The following RAD17 variants were observed in gnomAD, a reference collection of about 807,000 sequenced individuals.
The protein encoded by RAD17 is cell cycle checkpoint protein RAD17.
RAD17 carries 31 observed loss-of-function variants against 81.5 expected under a neutral mutation model. The ratio of observed to expected loss-of-function variants is 0.38; its 90% CI spans 0.29 to 0.51. RAD17 has a LOEUF of 0.51. RAD17 is among the 20% of genes least tolerant of loss of function. RAD17 has a pLI of 0.88. For missense variants in RAD17, 681 were observed against 781.2 expected (o/e 0.87, Z 1.53); for synonymous variants, 261 against 266.2 (o/e 0.98, Z 0.19).
intron 7 of RAD17, among the ~76,000 whole-genome samples, chr5:69,382,362 T>C (rs1763908711): frequency 6.6e-6 from 1 of 152,204 alleles, no homozygotes; most frequent in Admixed American, 6.5e-5. Flanking sequence ...TGAGGATCAC[T>C]TGAGCCCATG....
chr5:69,387,415 G>T (rs1471407249), intron 11 of RAD17, among the ~76,000 whole-genome samples: 2 of 152,120 alleles, frequency 1.3e-5, no homozygotes, highest in Admixed American at 1.3e-4. Context: ...ATATCCAAGG[G>T]AGAGGTTGTT....
intron 17 of RAD17, among the ~76,000 whole-genome samples, chr5:69,402,604 G>A (rs1321937340): frequency 1.3e-5 from 2 of 149,886 alleles, no homozygotes. Context: ...GCAGTGAGCT[G>A]AGATCACGCC....
intron 6 of RAD17, among the ~76,000 whole-genome samples, chr5:69,379,219 G>A (rs1763695881): frequency 6.6e-6 from 1 of 151,920 alleles, no homozygotes; most frequent in South Asian, 2.1e-4. Flanking sequence ...CTGGGCAACA[G>A]AACAGAGACT....
intron 4 of RAD17, among the ~76,000 whole-genome samples, chr5:69,372,643 A>C (rs931827004): frequency 6.6e-5 from 10 of 151,728 alleles, no homozygotes; most frequent in Admixed American, 3.9e-4. Context: ...ACAGGGTCTC[A>C]CTCTGTTGCC....
chr5:69,384,829 CAGAT>C lies in RAD17; in HGVS notation c.544_547del (p.Ile182GlnfsTer8), dbSNP rs1197064499. The C allele has an allele frequency of 6.2e-7, 1 of 1,611,388 alleles. No homozygotes were observed. Among genetic ancestry groups the C allele is most frequent in the Non-Finnish European group, 8.5e-7 (1 of 1,178,442 alleles). On this transcript the variant is annotated frameshift_variant, in exon 8 of 19. Coordinates refer to ENST00000354868, the MANE Select transcript of RAD17 (RefSeq NM_133338.3). LOFTEE classifies it high-confidence loss of function. ...CTTCCATATGTTTCCCTATCAGTCT[CAGAT>C]AGCAGTTTTCAAAGAGTTTCTACTA...
In RAD17 at chr5:69,377,600, T is replaced by TATATATGTATACATATATATATATGC. The variant is rs1554038760; in HGVS notation, c.351+2895_351+2896insGTATACATATATATATATGCATATAT. Among the ~76,000 whole-genome samples the TATATATGTATACATATATATATATGC allele has an allele frequency of 3.8e-3, 27 of 7,100 alleles. 3 individuals are homozygous for TATATATGTATACATATATATATATGC. Among genetic ancestry groups the TATATATGTATACATATATATATATGC allele is most frequent in the Non-Finnish European group, 0.014 (20 of 1,448 alleles). 4.7% of individuals were successfully genotyped at this position (7,100 alleles called of 152,430 possible). Reference sequence around the variant, plus strand: ...ATATATGTATACATATATATATGCATATATATATGTATACATATATATGCA... The same window carrying TATATATGTATACATATATATATATGC: ...ATATATGTATACATATATATATGCATATATATGTATACATATATATATATGCATATATATGTATACATATATATGCA... On this transcript the variant is annotated intron_variant, in intron 6 of 18. Coordinates refer to ENST00000354868, the MANE Select transcript of RAD17 (RefSeq NM_133338.3).
chr5:69,393,350 A>G lies in RAD17; in HGVS notation c.1276-4A>G, dbSNP rs201345390. 1.9e-6 allele frequency: 3 copies of G among 1,587,128 alleles called. No individual in the cohort carries two copies. The highest frequency in any genetic ancestry group is 1.4e-5 in the African/African-American group (1 of 73,488). On this transcript the variant is annotated splice_region_variant and splice_polypyrimidine_tract_variant and intron_variant, in intron 14 of 18. Coordinates refer to ENST00000354868, the MANE Select transcript of RAD17 (RefSeq NM_133338.3). ...AATTTATGTATATATGCTTCTTTTT[A>G]TAGGAGGTAGTAGAAATGTCACACA...
At position 69,387,220 on chromosome 5, in the gene RAD17, G is replaced by A. The variant is rs149378342; in HGVS notation, c.894+755G>A. ...ATTTCAGGCATGAGCCTCTGTGCCC[G>A]GCTTCTTTTCACTTTTAGTACGTCA... On this transcript the variant is annotated intron_variant, in intron 11 of 18. Coordinates refer to ENST00000354868, the MANE Select transcript of RAD17 (RefSeq NM_133338.3). Among the ~76,000 whole-genome samples, 1,005 of 152,026 alleles carry A rather than the reference G, an allele frequency of 6.6e-3. 14 individuals carry two copies. The highest frequency in any genetic ancestry group is 0.023 in the African/African-American group (960 of 41,480).
At chr5:69,374,791 T>A in intron 6 of RAD17, 80 bp downstream of exon 6, 1 of 1,221,870 alleles carries the variant, frequency 8.2e-7, no homozygotes, top group Non-Finnish European at 1.2e-6. Context: ...GTTAAAGTTT[T>A]ATGATGATTT....
chr5:69,388,985 GTTATTT>G, intron 11 of RAD17, 43 bp from the exon 12 acceptor site: 1 of 997,180 alleles, frequency 1.0e-6, no homozygotes. Context: ...TTTTGTTGTT[GTTATTT>G]TTAAGAAAAT....
chr5:69,400,357 A>G (rs564484060), intron 17 of RAD17, among the ~76,000 whole-genome samples, 188 bp downstream of exon 17: 4 of 151,992 alleles, frequency 2.6e-5, no homozygotes, highest in East Asian at 1.9e-4. Context: ...AGCTGGGACC[A>G]CAGGCACGCG....
intron 7 of RAD17, 69 bp from the exon 8 acceptor site, chr5:69,384,728 A>C: frequency 7.2e-7 from 1 of 1,396,420 alleles, no homozygotes; most frequent in East Asian, 2.3e-5. Flanking sequence ...GTGTGTGTGT[A>C]CATACAGATG....
chr5:69,383,540 G>A (rs528270976), intron 7 of RAD17, among the ~76,000 whole-genome samples: 2 of 151,878 alleles, frequency 1.3e-5, no homozygotes, highest in African/African-American at 4.8e-5. Flanking sequence ...CACCATGCCC[G>A]GCTTATTTTT....
chr5:69,392,040 C>A (rs1764587355), intron 13 of RAD17, 27 bp downstream of exon 13: 2 of 1,442,246 alleles, frequency 1.4e-6, no homozygotes, highest in Non-Finnish European at 9.3e-7. Flanking sequence ...CTTTTAAAAT[C>A]TGTTGGATAT....
In RAD17 at chr5:69,397,990, G is replaced by A. The variant is rs1020641776; in HGVS notation, c.1572+1444G>A. Among the ~76,000 whole-genome samples the A allele has an allele frequency of 2.6e-5, 4 of 152,102 alleles. No homozygotes were observed. The East Asian group carries it at 7.7e-4, about 29-fold the overall frequency. On this transcript the variant is annotated intron_variant, in intron 16 of 18. Coordinates refer to ENST00000354868, the MANE Select transcript of RAD17 (RefSeq NM_133338.3). ...AACTTAGCCGGGTGTGGCGGCGTGC[G>A]CCTGTAGTCCCAACTACTCTGGAGG...
rs984134014 is a variant in RAD17 at position 69,371,455 on chromosome 5, T to C, written c.-278T>C. 3.9e-5 allele frequency: 12 copies of C among 308,048 alleles called. No individual in the cohort carries two copies. Among genetic ancestry groups the C allele is most frequent in the East Asian group, 7.7e-5 (1 of 13,036 alleles). 19.1% of individuals were successfully genotyped at this position (308,048 alleles called of 1,614,324 possible). On this transcript the variant is annotated splice_region_variant and 5_prime_UTR_variant, in exon 3 of 19. Transcript: ENST00000354868. Reference sequence around the variant, plus strand: ...GCTTCTTCCCCCCCCCCCCCCCAGGTGAATTATAGTTTAATGTACTGCAAG... The same window carrying C: ...GCTTCTTCCCCCCCCCCCCCCCAGGCGAATTATAGTTTAATGTACTGCAAG...
intron 12 of RAD17, among the ~76,000 whole-genome samples, chr5:69,389,985 C>T (rs1267393650): frequency 6.6e-6 from 1 of 152,088 alleles, no homozygotes; most frequent in Non-Finnish European, 1.5e-5. Flanking sequence ...AAATTTATTT[C>T]CTGTTAATGT....
In RAD17 at chr5:69,372,103, G is replaced by A. The variant is rs1763042658; in HGVS notation, c.-106G>A. ...TATAAATAATTTGCAAATCAGAATT[G>A]CTGTCGAAAGTTTTACTATAATGAA... On this transcript the variant is annotated 5_prime_UTR_variant, in exon 4 of 19. Coordinates refer to ENST00000354868, the MANE Select transcript of RAD17 (RefSeq NM_133338.3). 6.9e-7 allele frequency: 1 copy of A among 1,452,244 alleles called. No individual in the cohort carries two copies. Among genetic ancestry groups the A allele is most frequent in the Non-Finnish European group, 9.3e-7 (1 of 1,076,344 alleles). 90.0% of individuals were successfully genotyped at this position (1,452,244 alleles called of 1,614,324 possible). A position where few individuals can be genotyped will look rare whatever the true frequency, so the allele number is the denominator to read the frequency against.
chr5:69,406,033 C>A lies in RAD17; in HGVS notation c.1694-4460C>A, dbSNP rs1006228510. On this transcript the variant is annotated intron_variant, in intron 17 of 18. Transcript: ENST00000354868. ...CTCCAGCCTAGGTGACAGAGCCAGA[C>A]TCCATCTCAAAAAAAAAAAAAAAAG... Among the ~76,000 whole-genome samples, 7 of 102,468 alleles carry A rather than the reference C, an allele frequency of 6.8e-5. No homozygotes were observed. In the Admixed American group the frequency reaches 8.2e-4, roughly 12 times the overall value. The allele number at this position is 102,468 out of a possible 152,430, so 67.2% of individuals were successfully genotyped here.
Sources: allele counts gnomAD v4.1 joint callset (sites outside exome capture counted in the v4.1 genomes callset), GRCh38; gene constraint gnomAD v4.1.1; transcripts MANE v1.5; gene names NCBI Gene and HGNC (gene_info 2026-07-23, HGNC 2026-07-21).